The following BMP2K variants were observed in gnomAD, a reference collection of about 807,000 sequenced individuals.
BMP2K encodes the protein BMP-2-inducible protein kinase.
In BMP2K, 74 loss-of-function variants were observed where a neutral mutation model predicts 116.0. The ratio of observed to expected loss-of-function variants is 0.64; its 90% CI spans 0.53 to 0.77. The LOEUF is 0.77. Among genes scored for constraint, BMP2K ranks in the 30% least tolerant of loss-of-function variants. The pLI, the probability that BMP2K is intolerant of heterozygous loss-of-function variation, is 0.00. For missense variants in BMP2K, 1,365 were observed against 1,403.6 expected (o/e 0.97, Z 0.44); for synonymous variants, 486 against 502.5 (o/e 0.97, Z 0.44).
intron 14 of BMP2K, among the ~76,000 whole-genome samples, chr4:78,886,670 TGC>T (rs370055646): frequency 8.0e-4 from 121 of 152,200 alleles, no homozygotes; most frequent in African/African-American, 2.7e-3. Context: ...TGTGTGTGTG[TGC>T]GAGAGAGAGA....
At chr4:78,795,271 T>C (rs1234820017) in intron 1 of BMP2K, among the ~76,000 whole-genome samples, 1 of 152,188 alleles carries the variant, frequency 6.6e-6, no homozygotes, top group Non-Finnish European at 1.5e-5. Context: ...TCACAGACAC[T>C]TATTAAAATT....
intron 2 of BMP2K, among the ~76,000 whole-genome samples, chr4:78,829,805 CTCT>C (rs1161272588): frequency 2.9e-5 from 4 of 135,866 alleles, no homozygotes; most frequent in African/African-American, 1.3e-4. Flanking sequence ...CTCTTCTCTT[CTCT>C]TCTCTTCTCT....
chr4:78,828,775 A>C (rs902381993), intron 2 of BMP2K, among the ~76,000 whole-genome samples: 22 of 152,240 alleles, frequency 1.4e-4, no homozygotes, highest in Admixed American at 1.3e-3. Flanking sequence ...TTCATTTAAA[A>C]ATATTGTTAA....
intron 1 of BMP2K, among the ~76,000 whole-genome samples, chr4:78,801,767 G>GAATGCTC (rs1169739771): frequency 6.6e-6 from 1 of 152,172 alleles, no homozygotes; most frequent in Non-Finnish European, 1.5e-5. Context: ...AAGAACCTTA[G>GAATGCTC]AATGCTCTAA....
At chr4:78,780,684 T>C (rs1175530010) in intron 1 of BMP2K, among the ~76,000 whole-genome samples, 1 of 152,196 alleles carries the variant, frequency 6.6e-6, no homozygotes, top group African/African-American at 2.4e-5. Context: ...CACAACTTCA[T>C]TAAATGCCTT....
At chr4:78,829,847 C>CTTCTCTTCTA (rs1730119554) in intron 2 of BMP2K, among the ~76,000 whole-genome samples, 1 of 135,856 alleles carries the variant, frequency 7.4e-6, no homozygotes, top group Non-Finnish European at 1.6e-5. Flanking sequence ...CTTCTCTTCT[C>CTTCTCTTCTA]TTCTTTTTTT....
intron 6 of BMP2K, among the ~76,000 whole-genome samples, chr4:78,849,302 T>G (rs886882549): frequency 6.6e-6 from 1 of 151,524 alleles, no homozygotes; most frequent in Non-Finnish European, 1.5e-5. Context: ...CTGTTTCTTG[T>G]ACAATTCTCA....
intron 3 of BMP2K, among the ~76,000 whole-genome samples, chr4:78,836,559 CCTT>C (rs1449976079): frequency 6.6e-6 from 1 of 152,192 alleles, no homozygotes; most frequent in Non-Finnish European, 1.5e-5. Flanking sequence ...AGTTAGCTGT[CCTT>C]CTGGAAATTA....
At chr4:78,784,348 G>A (rs1040614023) in intron 1 of BMP2K, among the ~76,000 whole-genome samples, 1 of 152,150 alleles carries the variant, frequency 6.6e-6, no homozygotes, top group Non-Finnish European at 1.5e-5. Flanking sequence ...AAAAGATTGG[G>A]ACTGTTTATT....
intron 1 of BMP2K, among the ~76,000 whole-genome samples, chr4:78,806,975 G>A (rs916874431): frequency 4.6e-5 from 7 of 151,408 alleles, no homozygotes; most frequent in Non-Finnish European, 7.4e-5. Flanking sequence ...TCAGCTTCCC[G>A]AGTAGCTGGG....
chr4:78,803,441 G>A (rs1728669265), intron 1 of BMP2K, among the ~76,000 whole-genome samples: 1 of 152,078 alleles, frequency 6.6e-6, no homozygotes, highest in Non-Finnish European at 1.5e-5. Context: ...TGTCACCCAG[G>A]ATGTAGTGCA....
chr4:78,801,929 T>A (rs908667938), intron 1 of BMP2K, among the ~76,000 whole-genome samples: 2 of 152,222 alleles, frequency 1.3e-5, no homozygotes, highest in Non-Finnish European at 2.9e-5. Context: ...ACAGCTATGA[T>A]CTTTGTGACT....
chr4:78,861,391 T>C lies in BMP2K; in HGVS notation c.990T>C (p.Asn330=). ...CGTTTTATTTTTTTTCTTCCAAGAA[T>C]TCTTCTATTCCTTCAGCTCTTCCTG... ...KKDCPVSNIN[N]SSIPSALPEP... is the part of the protein sequence containing the mutation. The change falls in exon 9 of 16, where the codon AAT becomes AAC. Residue 330 remains asparagine (N), a splice_region_variant and synonymous_variant. Coordinates refer to ENST00000502613, the MANE Select transcript of BMP2K (RefSeq NM_198892.2). 6.3e-7 allele frequency: 1 copy of C among 1,588,488 alleles called. No individual in the cohort carries two copies. Among genetic ancestry groups the C allele is most frequent in the Non-Finnish European group, 8.5e-7 (1 of 1,169,738 alleles).
chr4:78,788,375 G>A (rs904631828), intron 1 of BMP2K, among the ~76,000 whole-genome samples: 3 of 149,906 alleles, frequency 2.0e-5, no homozygotes, highest in South Asian at 4.2e-4. Flanking sequence ...TGGATCTAAG[G>A]ATTTTTTTTT....
intron 1 of BMP2K, among the ~76,000 whole-genome samples, chr4:78,819,779 T>A (rs1470361736): frequency 6.6e-6 from 1 of 152,210 alleles, no homozygotes; most frequent in East Asian, 1.9e-4. Context: ...ATTCATTCAA[T>A]AAATAATATT....
chr4:78,836,747 A>G (rs1422653320), intron 3 of BMP2K, among the ~76,000 whole-genome samples: 1 of 152,218 alleles, frequency 6.6e-6, no homozygotes, highest in Admixed American at 6.5e-5. Flanking sequence ...ATTGATTGTT[A>G]CTTTGGCTAG....
chr4:78,823,609 T>G (rs1729738292), intron 1 of BMP2K, among the ~76,000 whole-genome samples: 1 of 147,962 alleles, frequency 6.8e-6, no homozygotes, highest in South Asian at 2.1e-4. Flanking sequence ...GGTATATATA[T>G]AGGTGTATAT....
intron 14 of BMP2K, among the ~76,000 whole-genome samples, chr4:78,884,490 G>A (rs1732991075): frequency 6.6e-6 from 1 of 152,130 alleles, no homozygotes; most frequent in South Asian, 2.1e-4. Context: ...GATGGTTGAG[G>A]CAAAAAGTCT....
At chr4:78,823,411 A>C (rs183397083) in intron 1 of BMP2K, among the ~76,000 whole-genome samples, 16 of 151,506 alleles carry the variant, frequency 1.1e-4, no homozygotes, top group Admixed American at 7.3e-4. Flanking sequence ...CTAATAAACA[A>C]TTTAAAACAT....
Sources: allele counts gnomAD v4.1 joint callset (sites outside exome capture counted in the v4.1 genomes callset), GRCh38; gene constraint gnomAD v4.1.1; transcripts MANE v1.5; gene names NCBI Gene and HGNC (gene_info 2026-07-23, HGNC 2026-07-21).